EYS: variants seen among roughly 807,000 people sequenced by gnomAD.
The protein encoded by EYS is protein eyes shut homolog.
A neutral mutation model predicts 282.1 loss-of-function variants in EYS; 250 were observed. That is an observed-to-expected ratio of 0.89 (90% confidence interval 0.80 to 0.98). The LOEUF (loss-of-function observed/expected upper bound fraction) is 0.98. Ranked by LOEUF, EYS falls within the 50% of genes least tolerant of loss-of-function variation. The pLI, the probability that EYS is intolerant of heterozygous loss-of-function variation, is 0.00. For missense variants in EYS, 4,016 were observed against 3,709.0 expected (o/e 1.08, Z -2.15); for synonymous variants, 1,355 against 1,282.9 (o/e 1.06, Z -1.20).
chr6:64,085,367 G>C (rs1026082252), intron 31 of EYS, among the ~76,000 whole-genome samples: 3 of 96,634 alleles, frequency 3.1e-5, no homozygotes, highest in Admixed American at 9.7e-5. Flanking sequence ...CACACACACA[G>C]TGCTGCTTTA....
intron 22 of EYS, among the ~76,000 whole-genome samples, chr6:64,647,724 C>A (rs1247594285): frequency 2.6e-5 from 4 of 151,690 alleles, no homozygotes; most frequent in African/African-American, 2.4e-5. Context: ...AGAAAAAAAA[C>A]GCTAGTATTC....
At chr6:64,677,422 A>C (rs994257430) in intron 22 of EYS, among the ~76,000 whole-genome samples, 3 of 152,150 alleles carry the variant, frequency 2.0e-5, no homozygotes, top group African/African-American at 7.2e-5. Flanking sequence ...TTTCTGCCAA[A>C]TTGGAAATTA....
At chr6:64,381,774 A>C (rs1772755003) in intron 29 of EYS, among the ~76,000 whole-genome samples, 1 of 152,202 alleles carries the variant, frequency 6.6e-6, no homozygotes, top group Non-Finnish European at 1.5e-5. Context: ...GCAGATTTAG[A>C]AAAACTATAT....
chr6:64,735,229 G>A (rs562463630), intron 22 of EYS, among the ~76,000 whole-genome samples: 22 of 152,064 alleles, frequency 1.4e-4, no homozygotes, highest in Non-Finnish European at 2.9e-4. Context: ...GACTACAGGC[G>A]CCTGCCACCA....
Position 64,822,658 on chromosome 6 carries a change from G to A in EYS, c.3157C>T (p.His1053Tyr). The A allele has an allele frequency of 2.6e-6, 4 of 1,536,464 alleles. No individual in the cohort carries two copies. The highest frequency in any genetic ancestry group is 3.5e-6 in the Non-Finnish European group (4 of 1,142,218). The change falls in exon 20 of 43, where the codon CAT becomes TAT. Residue 1053 changes from histidine (H) to tyrosine (Y), a missense_variant. Physicochemically the swap from His to Tyr is moderately conservative, Grantham distance 83. Transcript: ENST00000503581. ...AATAAAAAAAATAGCTACCTTCCAT[G>A]TAGACAAGGATTTGAAAGGCAATCA... ...ANDCLSNPCL[H>Y]GRCTELINEY...
intron 19 of EYS, among the ~76,000 whole-genome samples, chr6:64,852,484 T>C (rs1765916142): frequency 6.6e-6 from 1 of 152,132 alleles, no homozygotes; most frequent in Non-Finnish European, 1.5e-5. Context: ...AGACAGCCTA[T>C]TGTGGGACAT....
At chr6:64,027,641 C>T (rs1769594582) in intron 33 of EYS, among the ~76,000 whole-genome samples, 1 of 152,190 alleles carries the variant, frequency 6.6e-6, no homozygotes, top group South Asian at 2.1e-4. Flanking sequence ...CCTGGTAGGG[C>T]TTGTTATCAG....
intron 22 of EYS, among the ~76,000 whole-genome samples, chr6:64,634,245 G>C (rs904403383): frequency 6.6e-6 from 1 of 152,180 alleles, no homozygotes; most frequent in South Asian, 2.1e-4. Flanking sequence ...GCCTCCCAAA[G>C]TGTTGGGATT....
intron 12 of EYS, among the ~76,000 whole-genome samples, chr6:65,183,555 T>C (rs1423784717): frequency 2.6e-5 from 4 of 151,946 alleles, no homozygotes; most frequent in Admixed American, 6.6e-5. Flanking sequence ...TCTCCACTCA[T>C]ATCCTTCTTC....
chr6:65,672,435 C>T (rs751611962), intron 1 of EYS, among the ~76,000 whole-genome samples: 5 of 152,062 alleles, frequency 3.3e-5, no homozygotes, highest in African/African-American at 9.7e-5. Context: ...TCACAGAAAA[C>T]ATTTGAGAGA....
At chr6:64,594,696 T>TG (rs1562082416) in intron 24 of EYS, among the ~76,000 whole-genome samples, 1 of 61,684 alleles carries the variant, frequency 1.6e-5, no homozygotes, top group Non-Finnish European at 2.9e-5. Context: ...TGTTGTGGGG[T>TG]GGGGGGAGGG....
At chr6:64,763,224 A>G (rs777420901) in intron 22 of EYS, among the ~76,000 whole-genome samples, 1 of 152,206 alleles carries the variant, frequency 6.6e-6, no homozygotes. Context: ...TCACTGTGCT[A>G]TAAAAGAACT....
chr6:65,508,662 C>CAAAA (rs35302193), intron 2 of EYS, among the ~76,000 whole-genome samples: 1 of 109,988 alleles, frequency 9.1e-6, no homozygotes. Flanking sequence ...GACTCCATCT[C>CAAAA]AAAAAAAAAA....
chr6:64,110,353 A>C (rs1319477884), intron 31 of EYS, among the ~76,000 whole-genome samples: 3 of 152,032 alleles, frequency 2.0e-5, no homozygotes, highest in Admixed American at 1.3e-4. Context: ...TTGACCTTTA[A>C]TGATACTCAG....
chr6:64,751,460 T>C (rs562876821), intron 22 of EYS, among the ~76,000 whole-genome samples: 9 of 152,274 alleles, frequency 5.9e-5, no homozygotes, highest in East Asian at 5.9e-4. Flanking sequence ...GGACTCCTCA[T>C]TGGAGCTGGT....
chr6:65,535,308 C>T (rs1767923589), intron 2 of EYS, among the ~76,000 whole-genome samples: 5 of 152,050 alleles, frequency 3.3e-5, no homozygotes, highest in Admixed American at 1.3e-4. Flanking sequence ...CCCATAATTC[C>T]CATTTTGTTT....
At chr6:63,890,427 A>G (rs751624189) in intron 35 of EYS, among the ~76,000 whole-genome samples, 8 of 152,246 alleles carry the variant, frequency 5.3e-5, no homozygotes, top group Non-Finnish European at 1.2e-4. Context: ...TCAAATTAGA[A>G]CTCAGGATTA....
At chr6:64,028,110 T>C (rs1769624804) in intron 33 of EYS, among the ~76,000 whole-genome samples, 1 of 152,228 alleles carries the variant, frequency 6.6e-6, no homozygotes, top group Admixed American at 6.5e-5. Flanking sequence ...GAGGGATATA[T>C]TAGCCAAGGC....
intron 2 of EYS, among the ~76,000 whole-genome samples, chr6:65,507,847 T>G (rs1766714018): frequency 6.6e-6 from 1 of 152,184 alleles, no homozygotes; most frequent in Non-Finnish European, 1.5e-5. Flanking sequence ...CTGTCTTCCT[T>G]TTTTATTAGA....
Sources: gnomAD v4.1 joint callset for allele counts (sites outside exome capture counted in the v4.1 genomes callset) on GRCh38, gnomAD v4.1.1 for gene constraint, MANE v1.5 for transcripts, NCBI Gene and HGNC (gene_info 2026-07-23, HGNC 2026-07-21) for gene names.